The following CMTR2 variants were observed in gnomAD, a reference collection of about 807,000 sequenced individuals.
The protein encoded by CMTR2 is cap-specific mRNA (nucleoside-2'-O-)-methyltransferase 2.
Under a neutral mutation model 49.8 loss-of-function variants are expected in CMTR2, and 40 were observed. That is an observed-to-expected ratio of 0.80 (90% CI 0.62 to 1.04). The LOEUF is 1.04. CMTR2 is among the 50% of genes least tolerant of loss of function. The pLI is 0.00. For missense variants in CMTR2, 907 were observed against 897.2 expected, an observed-to-expected ratio of 1.01 and a Z score of -0.14; for synonymous variants, 326 against 315.8, an observed-to-expected ratio of 1.03 and a Z score of -0.34.
rs1376570355 is a variant in CMTR2, at chr16:71,283,603, T to C, written c.*5A>G. ...TCATAAAGTTGAATCTCAGAAAGCA[T>C]ATGTTCAGTTTTGTAACTGAAGGCT... On this transcript the variant is annotated 3_prime_UTR_variant, in exon 3 of 3. Coordinates refer to ENST00000434935, the MANE Select transcript of CMTR2 (RefSeq NM_018348.6). 2 of 1,600,632 alleles carry C rather than the reference T, an allele frequency of 1.2e-6. No individual in the cohort carries two copies. Among genetic ancestry groups the C allele is most frequent in the Admixed American group, 1.7e-5 (1 of 57,204 alleles).
rs2041707426 is a variant in CMTR2 at position 71,285,489 on chromosome 16, A to C, written c.432T>G (p.Cys144Trp). The C allele has an allele frequency of 6.2e-7, 1 of 1,614,062 alleles. No homozygotes were observed. The highest frequency in any genetic ancestry group is 8.5e-7 in the Non-Finnish European group (1 of 1,180,000). ...TAGCTATAAAAGCTCCTGGAGCTTC[A>C]CAAAGGTGTAGAGAATTCAGTTTTC... is the stretch of plus-strand genomic sequence containing the variant. ...QNGKLNSLHLCEAPGAFIASL... is the reference protein window; with the variant it reads ...QNGKLNSLHLWEAPGAFIASL... Residue 144 changes from cysteine (C) to tryptophan (W), a missense_variant, in exon 3 of 3, where the codon TGT becomes TGG. By Grantham distance (215) the Cys-to-Trp change is radical. Coordinates refer to ENST00000434935, the MANE Select transcript of CMTR2 (RefSeq NM_018348.6).
At position 71,284,088 on chromosome 16, in the gene CMTR2, G is replaced by A. The variant is rs2041665161; in HGVS notation, c.1833C>T (p.Ser611=). The A allele has an allele frequency of 1.9e-6, 3 of 1,613,904 alleles. No individual in the cohort carries two copies. Among genetic ancestry groups the A allele is most frequent in the Non-Finnish European group, 2.5e-6 (3 of 1,179,940 alleles). Residue 611 remains serine, a synonymous_variant, in exon 3 of 3, where the codon AGC becomes AGT. Transcript: ENST00000434935. ...GATCTCCATCATGAAGCAATGAACA[G>A]CTAAAAGTTGTGAGTTCAGCTGATT... ...LLESAELTTF[S]CSLLHDGDPT... is the part of the protein sequence containing the mutation.
rs2041620618 is a variant in CMTR2, at chr16:71,282,052, A to C, written c.*1556T>G. ...CATAGAGTCACCAGTAGGAAATCAG[A>C]TTTCTTTCAAAAATCTACTTCCAGG... On this transcript the variant is annotated 3_prime_UTR_variant, in exon 3 of 3. Transcript: ENST00000434935. 1 of 151,686 alleles carries C rather than the reference A, an allele frequency of 6.6e-6. No individual in the cohort carries two copies. The highest frequency in any genetic ancestry group is 1.5e-5 in the Non-Finnish European group (1 of 67,830). 9.4% of individuals were successfully genotyped at this position (151,686 alleles called of 1,614,324 possible). A position where few individuals can be genotyped will look rare whatever the true frequency, so the allele number is the denominator to read the frequency against.
At chr16:71,289,475 C>G (rs2041798549), upstream of CMTR2, 1 of 152,262 alleles carries the variant, frequency 6.6e-6, no homozygotes, top group South Asian at 2.1e-4. Flanking sequence ...GCCGGCGACT[C>G]TCGCCTCGCC....
Position 71,285,640 on chromosome 16 carries a change from T to G in CMTR2, c.281A>C (p.Lys94Thr), listed in dbSNP as rs899580225. 1.2e-6 allele frequency: 2 copies of G among 1,613,966 alleles called. No homozygotes were observed. Among genetic ancestry groups the G allele is most frequent in the African/African-American group, 1.3e-5 (1 of 74,932 alleles). The change falls in exon 3 of 3, where the codon AAA becomes ACA. Residue 94 changes from lysine to threonine, a missense_variant. Physicochemically the swap from Lys to Thr is moderately conservative, Grantham distance 78 (BLOSUM62 -1). Coordinates refer to ENST00000434935, the MANE Select transcript of CMTR2 (RefSeq NM_018348.6). ...EWHEHTAFTNKAGKIISHVRK... is the reference protein window; with the variant it reads ...EWHEHTAFTNTAGKIISHVRK... ...AACATGAGAAATGATTTTCCCCGCTTTATTAGTGAAAGCAGTGTGCTCATG... is the reference window on the plus strand; with the variant it reads ...AACATGAGAAATGATTTTCCCCGCTGTATTAGTGAAAGCAGTGTGCTCATG...
At chr16:71,287,060 C>T (rs1188723869) in intron 2 of CMTR2, 1 of 152,086 alleles carries the variant, frequency 6.6e-6, no homozygotes, top group Non-Finnish European at 1.5e-5. Flanking sequence ...CCTGTTAGTG[C>T]AATGTTAATC....
chr16:71,289,667 A>AGGGGGAGGGGGTGGGG (rs1395441797), upstream of CMTR2: 1 of 20,916 alleles, frequency 4.8e-5, no homozygotes, highest in Non-Finnish European at 9.8e-5. Flanking sequence ...AGGGGGAGGG[A>AGGGGGAGGGGGTGGGG]GGGAAGGGAC....
Position 71,284,954 on chromosome 16 carries a change from T to C in CMTR2, c.967A>G (p.Arg323Gly). The change falls in exon 3 of 3, where the codon AGA becomes GGA. Residue 323 changes from arginine to glycine, a missense_variant. By Grantham distance (125) the Arg-to-Gly change is moderately radical. Transcript: ENST00000434935. ...GATAACAGAGGATGGATGGCCTCTC[T>C]CCCCTTATAGTGGAGGCAAACCACA... ...VYVVCLHYKGREAIHPLLSKM... is the reference protein window; with the variant it reads ...VYVVCLHYKGGEAIHPLLSKM... 4 of 1,614,144 alleles carry C rather than the reference T, an allele frequency of 2.5e-6. No individual in the cohort carries two copies. Among genetic ancestry groups the C allele is most frequent in the Non-Finnish European group, 3.4e-6 (4 of 1,179,998 alleles).
rs1015536133 is a variant in CMTR2, at chr16:71,282,802, TCA to T, written c.*804_*805del. On this transcript the variant is annotated 3_prime_UTR_variant, in exon 3 of 3. Coordinates refer to ENST00000434935, the MANE Select transcript of CMTR2 (RefSeq NM_018348.6). ...TCAAAATCTTAAAAAATCTTTCCAT[TCA>T]CAGATTATTTCCTGGAAGTTAAAAA... 6.6e-6 allele frequency: 1 copy of T among 152,570 alleles called. No homozygotes were observed. The highest frequency in any genetic ancestry group is 1.5e-5 in the Non-Finnish European group (1 of 68,014). The allele number at this position is 152,570 out of a possible 1,614,324, so 9.5% of individuals were successfully genotyped here.
chr16:71,284,869 A>C lies in CMTR2; in HGVS notation c.1052T>G (p.Val351Gly). ...MKRKALFPHH[V>G]IPDSFLKRHE... ...TCTCTTAAGAAAAGAATCAGGAATC[A>C]CATGATGGGGAAAAAGGGCTTTCCT... The change falls in exon 3 of 3, where the codon GTG becomes GGG. Residue 351 changes from valine to glycine, a missense_variant. Coordinates refer to ENST00000434935, the MANE Select transcript of CMTR2 (RefSeq NM_018348.6). 6.2e-7 allele frequency: 1 copy of C among 1,614,036 alleles called. No individual in the cohort carries two copies. The highest frequency in any genetic ancestry group is 8.5e-7 in the Non-Finnish European group (1 of 1,179,974).
intron 2 of CMTR2, chr16:71,287,899 C>T (rs1435139491): frequency 6.6e-6 from 1 of 152,146 alleles, no homozygotes; most frequent in Non-Finnish European, 1.5e-5. Context: ...CTGGAAACTA[C>T]AGCCATGTTT....
chr16:71,283,401 A>C lies in CMTR2; in HGVS notation c.*207T>G. On this transcript the variant is annotated 3_prime_UTR_variant, in exon 3 of 3. Coordinates refer to ENST00000434935, the MANE Select transcript of CMTR2 (RefSeq NM_018348.6). ...AGTGTGAATATCTATCATTGCATAG[A>C]TTCCACCACGTGGAAGAGCTCTATG... 1.8e-5 allele frequency: 11 copies of C among 596,258 alleles called. No homozygotes were observed. In the South Asian group the frequency reaches 2.5e-4, roughly 13 times the overall value. The allele number at this position is 596,258 out of a possible 1,614,324, so 36.9% of individuals were successfully genotyped here. A position where few individuals can be genotyped will look rare whatever the true frequency, so the allele number is the denominator to read the frequency against.
At position 71,283,704 on chromosome 16, in the gene CMTR2, C is replaced by T. The variant is rs2041653311; in HGVS notation, c.2217G>A (p.Leu739=). ...TAGCAATGGCAGCATTCAAATCCCACAAAAAATCAAGCAGGGCCCCCTTAA... is the reference window on the plus strand; with the variant it reads ...TAGCAATGGCAGCATTCAAATCCCATAAAAAATCAAGCAGGGCCCCCTTAA... The part of the protein sequence containing the change: ...VLLKGALLDF[L]WDLNAAIAKR... The change falls in exon 3 of 3, where the codon TTG becomes TTA. Residue 739 remains leucine (L), a synonymous_variant. Transcript: ENST00000434935. The T allele has an allele frequency of 1.2e-6, 2 of 1,613,928 alleles. No individual in the cohort carries two copies. Among genetic ancestry groups the T allele is most frequent in the Non-Finnish European group, 1.7e-6 (2 of 1,179,894 alleles).
chr16:71,289,286 T>C lies in CMTR2; in HGVS notation c.-230A>G, dbSNP rs2041791530. On this transcript the variant is annotated 5_prime_UTR_variant, in exon 1 of 3. Transcript: ENST00000434935. Reference sequence around the variant, plus strand: ...CGCCTCCAGCCACAAGGCAGGGAGATGGTGCGCCGGACTGGGGGGAAGGCT... The same window carrying C: ...CGCCTCCAGCCACAAGGCAGGGAGACGGTGCGCCGGACTGGGGGGAAGGCT... 6.6e-6 allele frequency: 1 copy of C among 152,162 alleles called. No homozygotes were observed. Among genetic ancestry groups the C allele is most frequent in the African/African-American group, 2.4e-5 (1 of 41,432 alleles). 9.4% of individuals were successfully genotyped at this position (152,162 alleles called of 1,614,324 possible). A position where few individuals can be genotyped will look rare whatever the true frequency, so the allele number is the denominator to read the frequency against.
rs755246435 is a variant in CMTR2 at position 71,285,543 on chromosome 16, T to G, written c.378A>C (p.Pro126=). The change falls in exon 3 of 3, where the codon CCA becomes CCC. Residue 126 remains proline (P), a synonymous_variant. Coordinates refer to ENST00000434935, the MANE Select transcript of CMTR2 (RefSeq NM_018348.6). The stretch of plus-strand genomic sequence containing the variant: ...TCTGAAAAGCTTCCTGTGGAATAAG[T>G]GGAAAGCTGCACAAAATCTCATGGA... ...CKFHEILCSF[P]LIPQEAFQNG... The G allele has an allele frequency of 6.2e-7, 1 of 1,613,876 alleles. No individual in the cohort carries two copies. The highest frequency in any genetic ancestry group is 8.5e-7 in the Non-Finnish European group (1 of 1,179,950).
chr16:71,284,777 A>G lies in CMTR2; in HGVS notation c.1144T>C (p.Phe382Leu), dbSNP rs1320185201. 1 of 1,613,856 alleles carries G rather than the reference A, an allele frequency of 6.2e-7. No individual in the cohort carries two copies. The highest frequency in any genetic ancestry group is 8.5e-7 in the Non-Finnish European group (1 of 1,179,948). ...LETISENIRL[F>L]ECMGKAEQEK... Reference sequence around the variant, plus strand: ...TGTTCCGCCTTTCCCATGCACTCAAATAGACGAATGTTTTCAGAAATAGTC... The same window carrying G: ...TGTTCCGCCTTTCCCATGCACTCAAGTAGACGAATGTTTTCAGAAATAGTC... The change falls in exon 3 of 3, where the codon TTT becomes CTT. Residue 382 changes from phenylalanine to leucine, a missense_variant. Phe to Leu is a conservative substitution (Grantham distance 22, BLOSUM62 0). Coordinates refer to ENST00000434935, the MANE Select transcript of CMTR2 (RefSeq NM_018348.6).
chr16:71,285,243 C>T lies in CMTR2; in HGVS notation c.678G>A (p.Met226Ile). ...LTGLQNFISS[M>I]ATVHLVTADG... ...CTGCAGTGACCAAGTGAACAGTAGC[C>T]ATGCTGCTTATGAAATTCTGAAGTC... Residue 226 changes from methionine (M) to isoleucine (I), a missense_variant, in exon 3 of 3, where the codon ATG becomes ATA. Physicochemically the swap from Met to Ile is conservative, Grantham distance 10. Transcript: ENST00000434935. 1 of 1,613,878 alleles carries T rather than the reference C, an allele frequency of 6.2e-7. No homozygotes were observed.
chr16:71,284,758 G>A lies in CMTR2; in HGVS notation c.1163C>T (p.Ala388Val), dbSNP rs778549536. Residue 388 changes from alanine to valine, a missense_variant, in exon 3 of 3, where the codon GCG becomes GTG. Ala to Val is a moderately conservative substitution (Grantham distance 64). Transcript: ENST00000434935. ...TAAATTATTCAGCTTTTCTTGTTCC[G>A]CCTTTCCCATGCACTCAAATAGACG... ...NIRLFECMGK[A>V]EQEKLNNLRD... 22 of 1,613,232 alleles carry A rather than the reference G, an allele frequency of 1.4e-5. No individual in the cohort carries two copies. Among genetic ancestry groups the A allele is most frequent in the Middle Eastern group, 1.6e-4 (1 of 6,084 alleles).
rs887718220 is a variant in CMTR2, at chr16:71,281,638, T to C, written c.*1970A>G. 2 of 151,968 alleles carry C rather than the reference T, an allele frequency of 1.3e-5. No individual in the cohort carries two copies. Among genetic ancestry groups the C allele is most frequent in the Non-Finnish European group, 2.9e-5 (2 of 67,846 alleles). The allele number at this position is 151,968 out of a possible 1,614,324, so 9.4% of individuals were successfully genotyped here. A position where few individuals can be genotyped will look rare whatever the true frequency, so the allele number is the denominator to read the frequency against. ...TTCAATCTGAACCTTCCTCAAGTCATGTCTAACCTCTAAAGCAATTTGAAT... is the reference window on the plus strand; with the variant it reads ...TTCAATCTGAACCTTCCTCAAGTCACGTCTAACCTCTAAAGCAATTTGAAT... On this transcript the variant is annotated 3_prime_UTR_variant, in exon 3 of 3. Coordinates refer to ENST00000434935, the MANE Select transcript of CMTR2 (RefSeq NM_018348.6).
Sources: allele counts gnomAD v4.1 joint callset, GRCh38; gene constraint gnomAD v4.1.1; transcripts MANE v1.5; gene names NCBI Gene and HGNC (gene_info 2026-07-23, HGNC 2026-07-21).